Variants in NXPE4 observed in about 807,000 individuals in gnomAD.
NXPE4 encodes the protein NXPE family member 4.
A neutral mutation model predicts 33.3 loss-of-function variants in NXPE4; 42 were observed. That is an observed-to-expected ratio of 1.26 (90% CI 0.98 to 1.63). The LOEUF is 1.63. NXPE4 is among the 40% of genes most tolerant of loss of function. The pLI is 0.00. For synonymous variants in NXPE4, 253 were observed against 234.9 expected (o/e 1.08, Z -0.71); for missense variants, 709 against 647.6 (o/e 1.09, Z -1.03).
chr11:114,610,501 G>A, the NXPE4 span, among the ~76,000 whole-genome samples: 1 of 151,756 alleles, frequency 6.6e-6, no homozygotes, highest in East Asian at 1.9e-4. Context: ...TGGATAATAA[G>A]TGTTGCCTCA....
the NXPE4 span, among the ~76,000 whole-genome samples, chr11:114,622,822 C>T: frequency 1.3e-5 from 2 of 151,528 alleles, no homozygotes; most frequent in Admixed American, 6.6e-5. Flanking sequence ...GGTTACCACT[C>T]TTACCCAGTG....
chr11:114,618,501 T>C, the NXPE4 span, among the ~76,000 whole-genome samples: 1 of 151,864 alleles, frequency 6.6e-6, no homozygotes, highest in Non-Finnish European at 1.5e-5. Flanking sequence ...GCCTCGTAGG[T>C]AACCACTGTT....
At chr11:114,642,885 G>A in the NXPE4 span, among the ~76,000 whole-genome samples, 1 of 152,062 alleles carries the variant, frequency 6.6e-6, no homozygotes, top group Non-Finnish European at 1.5e-5. Flanking sequence ...CACCAACAGT[G>A]TAAAATAATT....
At chr11:114,648,087 C>T in the NXPE4 span, among the ~76,000 whole-genome samples, 4 of 152,026 alleles carry the variant, frequency 2.6e-5, no homozygotes, top group African/African-American at 4.8e-5. Context: ...TGCCCTGGTT[C>T]CTGAGACAGA....
At chr11:114,669,584 T>C in the NXPE4 span, among the ~76,000 whole-genome samples, 1 of 152,074 alleles carries the variant, frequency 6.6e-6, no homozygotes, top group Non-Finnish European at 1.5e-5. Flanking sequence ...GGACTGAGAA[T>C]ACCAAGCTCC....
the NXPE4 span, among the ~76,000 whole-genome samples, chr11:114,618,894 G>A: frequency 1.2e-4 from 18 of 151,786 alleles, no homozygotes; most frequent in African/African-American, 3.6e-4. Flanking sequence ...ACTGTTACCC[G>A]GAGGATAATA....
chr11:114,582,418 C>G lies in NXPE4; in HGVS notation c.700G>C (p.Asp234His), dbSNP rs1241337588. Reference sequence around the variant, plus strand: ...TAGAAGCCTTCTTGGTCTCTGTTGTCCAGGTACTGGCACAATTCAGCATTT... The same window carrying G: ...TAGAAGCCTTCTTGGTCTCTGTTGTGCAGGTACTGGCACAATTCAGCATTT... ...NTNAELCQYL[D>H]NRDQEGFYCV... Residue 234 changes from aspartate to histidine, a missense_variant, in exon 3 of 6, where the codon GAC (aspartate) becomes CAC (histidine). Coordinates refer to ENST00000375478, the MANE Select transcript of NXPE4 (RefSeq NM_001077639.2). 3 of 1,614,168 alleles carry G rather than the reference C, an allele frequency of 1.9e-6. No individual in the cohort carries two copies. The Admixed American group carries it at 5.0e-5, about 27-fold the overall frequency.
chr11:114,656,621 A>T, the NXPE4 span, among the ~76,000 whole-genome samples: 4 of 152,128 alleles, frequency 2.6e-5, no homozygotes, highest in African/African-American at 9.6e-5. Flanking sequence ...GTACTGATAA[A>T]CAACTTCAGC....
At chr11:114,627,880 A>G in the NXPE4 span, among the ~76,000 whole-genome samples, 20 of 151,686 alleles carry the variant, frequency 1.3e-4, no homozygotes, top group African/African-American at 4.9e-4. Context: ...CTAGTCTCTG[A>G]TAAAACAGAC....
At chr11:114,673,560 T>C in the NXPE4 span, among the ~76,000 whole-genome samples, 1 of 151,294 alleles carries the variant, frequency 6.6e-6, no homozygotes, top group African/African-American at 2.4e-5. Flanking sequence ...ACCAATAAAA[T>C]TGACAAACCT....
chr11:114,578,596 A>G (rs1237648265), intron 5 of NXPE4, among the ~76,000 whole-genome samples: 5 of 152,228 alleles, frequency 3.3e-5, no homozygotes, highest in Admixed American at 6.5e-5. Context: ...TCCCACTTTC[A>G]TTGGATCAAC....
the NXPE4 span, among the ~76,000 whole-genome samples, chr11:114,628,004 ACC>A: frequency 1.3e-5 from 2 of 151,954 alleles, no homozygotes; most frequent in East Asian, 3.9e-4. Context: ...ACACAGGAGC[ACC>A]TAGATTCATA....
chr11:114,643,676 T>C, the NXPE4 span, among the ~76,000 whole-genome samples: 1 of 152,136 alleles, frequency 6.6e-6, no homozygotes, highest in Non-Finnish European at 1.5e-5. Context: ...TAGTATAGTT[T>C]AAAGTCAGGT....
upstream of NXPE4, among the ~76,000 whole-genome samples, chr11:114,596,259 C>T (rs1949571225): frequency 6.6e-6 from 1 of 152,160 alleles, no homozygotes; most frequent in African/African-American, 2.4e-5. Context: ...AACAGAGTGA[C>T]AGCTTGTAGT....
the NXPE4 span, among the ~76,000 whole-genome samples, chr11:114,624,293 AC>A: frequency 2.6e-5 from 4 of 152,018 alleles, no homozygotes; most frequent in Non-Finnish European, 4.4e-5. Context: ...AACCACTGTT[AC>A]CCGGTGGATA....
rs1949191101 is a variant in NXPE4 at position 114,582,980 on chromosome 11, C to T, written c.138G>A (p.Trp46Ter). 6.2e-7 allele frequency: 1 copy of T among 1,613,666 alleles called. No homozygotes were observed. The highest frequency in any genetic ancestry group is 2.2e-5 in the East Asian group (1 of 44,872). Residue 46 changes from tryptophan (W) to a stop codon, truncating the protein, a stop_gained, in exon 3 of 6, where the codon TGG becomes TGA. Transcript: ENST00000375478. LOFTEE classifies it high-confidence loss of function. ...GGAATAAGGACTTTGTGGAGTTGTT[C>T]CAGTAATGGAGGGAGATGGATAAGT... is the stretch of plus-strand genomic sequence containing the variant. ...ALNLSISLHY[W>*]NNSTKSLFPK...
chr11:114,675,045 T>A, the NXPE4 span, among the ~76,000 whole-genome samples: 1 of 151,678 alleles, frequency 6.6e-6, no homozygotes, highest in Non-Finnish European at 1.5e-5. Flanking sequence ...GAATGCAGGA[T>A]AAAAATCATA....
the NXPE4 span, among the ~76,000 whole-genome samples, chr11:114,645,417 A>T: frequency 2.6e-4 from 39 of 152,348 alleles, no homozygotes; most frequent in African/African-American, 8.9e-4. Flanking sequence ...GCGAACTTTA[A>T]AATTTCAGGA....
the NXPE4 span, among the ~76,000 whole-genome samples, chr11:114,617,403 C>T: frequency 5.9e-5 from 9 of 152,092 alleles, no homozygotes; most frequent in South Asian, 1.2e-3. Context: ...AGTATTGCCT[C>T]GTGGGTAACC....
Sources: allele counts gnomAD v4.1 joint callset (sites outside exome capture counted in the v4.1 genomes callset), GRCh38; gene constraint gnomAD v4.1.1; transcripts MANE v1.5; gene names NCBI Gene and HGNC (gene_info 2026-07-23, HGNC 2026-07-21).